GLRA2: variants seen among roughly 807,000 people sequenced by gnomAD.
GLRA2 encodes glycine receptor alpha 2, also known as glycine receptor subunit alpha-2.
A neutral mutation model predicts 31.6 loss-of-function variants in GLRA2; 11 were observed. That is an observed-to-expected ratio of 0.35 (90% CI 0.22 to 0.58). The LOEUF is 0.58. GLRA2 is among the 20% of genes least tolerant of loss of function. The probability of loss-of-function intolerance (pLI) is 0.84; values close to 1 mark genes in which losing one functional copy is unlikely to be tolerated. For missense variants in GLRA2, 212 were observed against 351.8 expected, an observed-to-expected ratio of 0.60 and a Z score of 3.18; for synonymous variants, 132 against 134.0, an observed-to-expected ratio of 0.99 and a Z score of 0.10.
rs186344752 is a variant in GLRA2 at position 14,627,803 on chromosome X, C to T, written c.930+18598C>T. 1.8e-4 allele frequency among the ~76,000 whole-genome samples: 20 copies of T among 111,604 alleles called. No homozygotes were observed. In the East Asian group the frequency reaches 5.6e-3, roughly 31 times the overall value. On this transcript the variant is annotated intron_variant, in intron 7 of 8. Coordinates refer to ENST00000218075, the MANE Select transcript of GLRA2 (RefSeq NM_002063.4). ...TTGGCACCTAATAATGTTTCTTGCC[C>T]TATGTAACCCTAAGTAAAAGAGTTC...
the GLRA2 span, among the ~76,000 whole-genome samples, chrX:14,456,825 G>A: frequency 1.8e-5 from 2 of 112,001 alleles, no homozygotes; most frequent in Non-Finnish European, 3.8e-5. Context: ...ACATGGGAGG[G>A]CAGATGTCTC....
At chrX:14,554,642 C>T (rs781189695) in intron 2 of GLRA2, among the ~76,000 whole-genome samples, 28 of 111,462 alleles carry the variant, frequency 2.5e-4, no homozygotes, top group African/African-American at 7.5e-4. Context: ...ATGACTCTTA[C>T]ACAGTTATAT....
At chrX:14,540,061 G>T (rs1425082466) in intron 2 of GLRA2, among the ~76,000 whole-genome samples, 1 of 111,411 alleles carries the variant, frequency 9.0e-6, no homozygotes, top group Non-Finnish European at 1.9e-5. Flanking sequence ...CCATTGTTAG[G>T]TGCTAAGTAT....
At chrX:14,599,086 C>T (rs1275247519) in intron 4 of GLRA2, among the ~76,000 whole-genome samples, 5 of 111,675 alleles carry the variant, frequency 4.5e-5, no homozygotes, top group Non-Finnish European at 7.5e-5. Flanking sequence ...CTATTCTTTG[C>T]CTTTAAAATA....
chrX:14,618,077 G>A (rs749227657), intron 7 of GLRA2, among the ~76,000 whole-genome samples: 4 of 111,924 alleles, frequency 3.6e-5, no homozygotes, highest in South Asian at 7.4e-4. Context: ...TAAGAATATC[G>A]CCATTTAGTC....
At chrX:14,544,330 A>G (rs2089449031) in intron 2 of GLRA2, among the ~76,000 whole-genome samples, 1 of 111,863 alleles carries the variant, frequency 8.9e-6, no homozygotes. Flanking sequence ...TAAACAAGTG[A>G]CCTTTAACCT....
the GLRA2 span, among the ~76,000 whole-genome samples, chrX:14,510,153 C>T: frequency 1.8e-5 from 2 of 111,256 alleles, no homozygotes; most frequent in Admixed American, 9.6e-5. Flanking sequence ...TGGTAAAACA[C>T]CCAGGGACCA....
intron 7 of GLRA2, among the ~76,000 whole-genome samples, chrX:14,634,924 G>T (rs369923590): frequency 2.7e-5 from 3 of 112,107 alleles, no homozygotes; most frequent in Admixed American, 9.5e-5. Flanking sequence ...AATCTGTTTC[G>T]AGGAGAGAAT....
chrX:14,549,009 G>A (rs1175139109), intron 2 of GLRA2, among the ~76,000 whole-genome samples: 5 of 111,977 alleles, frequency 4.5e-5, no homozygotes, highest in African/African-American at 1.6e-4. Flanking sequence ...AGACTAGGGG[G>A]GCTAACTAAG....
At chrX:14,593,523 A>G (rs1419343832) in intron 4 of GLRA2, among the ~76,000 whole-genome samples, 1 of 112,530 alleles carries the variant, frequency 8.9e-6, no homozygotes, top group Admixed American at 9.4e-5. Context: ...TGAAGGATAG[A>G]AAGCAAAAAG....
At chrX:14,685,936 T>C (rs188714091) in intron 7 of GLRA2, among the ~76,000 whole-genome samples, 1 of 112,306 alleles carries the variant, frequency 8.9e-6, no homozygotes, top group East Asian at 2.8e-4. Context: ...TCCTGCTTTC[T>C]CTTGTGGCAT....
intron 7 of GLRA2, among the ~76,000 whole-genome samples, chrX:14,648,519 G>C (rs1301344917): frequency 9.0e-6 from 1 of 111,656 alleles, no homozygotes; most frequent in Admixed American, 9.5e-5. Context: ...TGATAAAATA[G>C]ACTTTATTAA....
At position 14,631,065 on chromosome X, in the gene GLRA2, G is replaced by A. The variant is rs1418600364; in HGVS notation, c.930+21860G>A. Among the ~76,000 whole-genome samples the A allele has an allele frequency of 9.9e-5, 11 of 110,951 alleles. No homozygotes were observed. In the Admixed American group the frequency reaches 1.1e-3, roughly 11 times the overall value. ...CCAATACTGTTGCACTGGGAATTAAGTTTCAACATAAATTTTGGAGAGGAC... is the reference window on the plus strand; with the variant it reads ...CCAATACTGTTGCACTGGGAATTAAATTTCAACATAAATTTTGGAGAGGAC... On this transcript the variant is annotated intron_variant, in intron 7 of 8. Coordinates refer to ENST00000218075, the MANE Select transcript of GLRA2 (RefSeq NM_002063.4).
chrX:14,680,587 G>T (rs1337997760), intron 7 of GLRA2, among the ~76,000 whole-genome samples: 1 of 111,723 alleles, frequency 9.0e-6, no homozygotes, highest in African/African-American at 3.3e-5. Flanking sequence ...TCAGAGCTGG[G>T]TAAAAGCAAC....
the GLRA2 span, among the ~76,000 whole-genome samples, chrX:14,463,660 T>C: frequency 2.7e-5 from 3 of 110,485 alleles, no homozygotes; most frequent in South Asian, 1.2e-3. Context: ...GCTCTGTGGG[T>C]GTGGGACCCG....
At chrX:14,646,696 G>T (rs2090835476) in intron 7 of GLRA2, among the ~76,000 whole-genome samples, 1 of 111,827 alleles carries the variant, frequency 8.9e-6, no homozygotes, top group African/African-American at 3.2e-5. Flanking sequence ...AGGATAACTG[G>T]GATGTGCAGG....
chrX:14,482,773 C>T, the GLRA2 span, among the ~76,000 whole-genome samples: 2 of 111,088 alleles, frequency 1.8e-5, no homozygotes, highest in South Asian at 7.8e-4. Context: ...CCACCATCAT[C>T]ATCTTTGTTG....
intron 7 of GLRA2, among the ~76,000 whole-genome samples, chrX:14,657,634 T>C (rs2090953106): frequency 8.9e-6 from 1 of 112,660 alleles, no homozygotes; most frequent in Non-Finnish European, 1.9e-5. Context: ...TCTTGAACCA[T>C]TTTGTTTCAG....
At chrX:14,558,137 A>G (rs1351052755) in intron 2 of GLRA2, among the ~76,000 whole-genome samples, 1 of 112,044 alleles carries the variant, frequency 8.9e-6, no homozygotes, top group Non-Finnish European at 1.9e-5. Flanking sequence ...AGTCTCCAAG[A>G]TTTCAGTTTA....
Sources: allele counts gnomAD v4.1 joint callset (sites outside exome capture counted in the v4.1 genomes callset), GRCh38; gene constraint gnomAD v4.1.1; transcripts MANE v1.5; gene names NCBI Gene and HGNC (gene_info 2026-07-23, HGNC 2026-07-21).